The following ZSCAN1 variants were observed in gnomAD, a reference collection of about 807,000 sequenced individuals.
ZSCAN1 encodes the protein zinc finger and SCAN domain containing 1, also known as zinc finger and SCAN domain-containing protein 1.
ZSCAN1 carries 23 observed loss-of-function variants against 23.8 expected under a neutral mutation model. That is an observed-to-expected ratio of 0.97 (90% CI 0.70 to 1.37). ZSCAN1 has a LOEUF of 1.37. Among genes scored for constraint, ZSCAN1 ranks in the 40% most tolerant of loss-of-function variants. ZSCAN1 has a pLI of 0.00. For synonymous variants in ZSCAN1, 236 were observed against 232.3 expected (o/e 1.02, Z -0.15); for missense variants, 575 against 554.0 (o/e 1.04, Z -0.38).
chr19:58,046,624 CTCA>C, intron 4 of ZSCAN1: 1 of 847,668 alleles, frequency 1.2e-6, no homozygotes, highest in Non-Finnish European at 2.1e-6. Flanking sequence ...CGTCGACCAC[CTCA>C]TCAAGGTGAT....
intron 4 of ZSCAN1, chr19:58,046,401 G>A: frequency 1.1e-6 from 1 of 880,796 alleles, no homozygotes; most frequent in Non-Finnish European, 2.0e-6. Flanking sequence ...AAAGGGTGCA[G>A]CAGATAATCG....
At chr19:58,052,409 C>T (rs1423423688) in intron 4 of ZSCAN1, 81 bp from the exon 5 acceptor site, 9 of 1,601,874 alleles carry the variant, frequency 5.6e-6, no homozygotes, top group African/African-American at 4.0e-5. Context: ...GGATGACGCC[C>T]GTTCCTTGGT....
Position 58,053,104 on chromosome 19 carries a change from C to T in ZSCAN1, c.605-325C>T, listed in dbSNP as rs1376823046. Among the ~76,000 whole-genome samples, 3 of 152,024 alleles carry T rather than the reference C, an allele frequency of 2.0e-5. No individual in the cohort carries two copies. Among genetic ancestry groups the T allele is most frequent in the Non-Finnish European group, 2.9e-5 (2 of 67,998 alleles). On this transcript the variant is annotated intron_variant, in intron 5 of 5. Coordinates refer to ENST00000282326, the MANE Select transcript of ZSCAN1 (RefSeq NM_182572.4). The surrounding 1 kb of genome is among the most constrained non-coding windows in gnomAD (Gnocchi z 5.8). ...CCTCCTGAGTAGCTGGGATTACAGG[C>T]GCACACCACCACGCCCAGCTAATTT...
intron 4 of ZSCAN1, chr19:58,046,686 C>T (rs770235229): frequency 1.4e-5 from 12 of 869,794 alleles, no homozygotes; most frequent in South Asian, 5.3e-5. Flanking sequence ...GTCAGGTGGC[C>T]GAGATTGTAG....
intron 1 of ZSCAN1, among the ~76,000 whole-genome samples, chr19:58,035,106 A>G (rs1161255025): frequency 1.3e-5 from 2 of 151,956 alleles, no homozygotes; most frequent in African/African-American, 4.8e-5. Context: ...ACTCTCTCAC[A>G]CACACACATC....
At chr19:58,034,358 G>C (rs1454983792) in intron 1 of ZSCAN1, among the ~76,000 whole-genome samples, 197 bp downstream of exon 1, 2 of 150,542 alleles carry the variant, frequency 1.3e-5, no homozygotes, top group Non-Finnish European at 3.0e-5. Flanking sequence ...GAGTCCTGAG[G>C]TCGCCGTAGG....
At position 58,047,082 on chromosome 19, in the gene ZSCAN1, C is replaced by T. The variant is rs752755053; in HGVS notation, c.466-5408C>T. 1.6e-4 allele frequency among the ~76,000 whole-genome samples: 25 copies of T among 152,222 alleles called. No individual in the cohort carries two copies. Among genetic ancestry groups the T allele is most frequent in the Non-Finnish European group, 1.5e-5 (1 of 68,046 alleles). ...TGTGGCCTCACGTCTCAGTGTCTGA[C>T]TGTGCTGCCCTGTGCCCAGGGAGGA... On this transcript the variant is annotated intron_variant, in intron 4 of 5. Transcript: ENST00000282326. This position sits in a 1 kb window ranked among gnomAD's most constrained non-coding sequence, Gnocchi z 4.9.
In ZSCAN1 at chr19:58,037,753, CT is replaced by C. The variant is rs2073748321; in HGVS notation, c.-83del. 7.0e-7 allele frequency: 1 copy of C among 1,422,470 alleles called. No homozygotes were observed. Among genetic ancestry groups the C allele is most frequent in the Non-Finnish European group, 9.2e-7 (1 of 1,089,804 alleles). 88.1% of individuals were successfully genotyped at this position (1,422,470 alleles called of 1,614,324 possible). On this transcript the variant is annotated 5_prime_UTR_variant, in exon 3 of 6. Transcript: ENST00000282326. ...GCCCCTGATTGCTGATTCTGTCCGCCTGCCACACCGGCTCTGTCCGGAGCCA... is the reference window on the plus strand; with the variant it reads ...GCCCCTGATTGCTGATTCTGTCCGCCGCCACACCGGCTCTGTCCGGAGCCA...
chr19:58,038,241 C>T (rs2073755790), intron 3 of ZSCAN1, 35 bp downstream of exon 3: 2 of 1,573,912 alleles, frequency 1.3e-6, no homozygotes, highest in Non-Finnish European at 1.7e-6. Context: ...CGGGCCGGGC[C>T]AGGGGGCCTG....
chr19:58,052,405 C>T (rs370065230), intron 4 of ZSCAN1, 85 bp from the exon 5 acceptor site: 43 of 1,598,776 alleles, frequency 2.7e-5, no homozygotes, highest in Middle Eastern at 2.1e-4. Context: ...TTGGGGATGA[C>T]GCCCGTTCCT....
In ZSCAN1 at chr19:58,040,649, C is replaced by A; in HGVS notation, c.465+105C>A. ...CATCCAAGGACTGTGTGAGGTTGTC[C>A]CCAGCGCTCCCAGGAAGCCCGGCCT... On this transcript the variant is annotated intron_variant, in intron 4 of 5. Transcript: ENST00000282326. This position sits in a 1 kb window ranked among gnomAD's most constrained non-coding sequence, Gnocchi z 5.8. The A allele has an allele frequency of 9.0e-7, 1 of 1,111,018 alleles. No homozygotes were observed. Among genetic ancestry groups the A allele is most frequent in the Non-Finnish European group, 1.3e-6 (1 of 761,026 alleles). 68.8% of individuals were successfully genotyped at this position (1,111,018 alleles called of 1,614,324 possible).
chr19:58,035,797 AT>A (rs2073730722), intron 1 of ZSCAN1, among the ~76,000 whole-genome samples, 172 bp from the exon 2 acceptor site: 1 of 152,158 alleles, frequency 6.6e-6, no homozygotes, highest in South Asian at 2.1e-4. Context: ...TTTCTCCTGG[AT>A]TGTAAAACCA....
At chr19:58,046,173 G>A (rs1361723642) in intron 4 of ZSCAN1, 2 of 741,420 alleles carry the variant, frequency 2.7e-6, no homozygotes, top group Non-Finnish European at 5.0e-6. Context: ...GCTTGAAGGA[G>A]GAAGAGATGA....
chr19:58,046,490 T>C (rs990966975), intron 4 of ZSCAN1: 16 of 881,866 alleles, frequency 1.8e-5, no homozygotes, highest in Non-Finnish European at 2.0e-6. Flanking sequence ...GGCGTGCCCA[T>C]GGGGGAGAAC....
chr19:58,037,547 G>T (rs1248490993), intron 2 of ZSCAN1, among the ~76,000 whole-genome samples, 181 bp from the exon 3 acceptor site: 2 of 152,132 alleles, frequency 1.3e-5, no homozygotes, highest in Non-Finnish European at 2.9e-5. Context: ...CCAGTGGCTT[G>T]AACTCAGTGC....
Position 58,040,025 on chromosome 19 carries a change from C to T in ZSCAN1, c.371-425C>T, listed in dbSNP as rs936084265. 2.0e-5 allele frequency among the ~76,000 whole-genome samples: 3 copies of T among 152,186 alleles called. No homozygotes were observed. The highest frequency in any genetic ancestry group is 4.8e-5 in the African/African-American group (2 of 41,434). ...CTGGGATTACTGGTGTGAGCCACCA[C>T]GCCTGGCCTGGTTCCCACGTCTTGA... On this transcript the variant is annotated intron_variant, in intron 3 of 5. Coordinates refer to ENST00000282326, the MANE Select transcript of ZSCAN1 (RefSeq NM_182572.4). This position sits in a 1 kb window ranked among gnomAD's most constrained non-coding sequence, Gnocchi z 5.8.
At chr19:58,050,998 G>A (rs1464784275) in intron 4 of ZSCAN1, among the ~76,000 whole-genome samples, 1 of 152,178 alleles carries the variant, frequency 6.6e-6, no homozygotes, top group African/African-American at 2.4e-5. Flanking sequence ...CCGGGGCTAT[G>A]GGGATGTGTT....
At chr19:58,042,850 T>C (rs2073799692) in intron 4 of ZSCAN1, among the ~76,000 whole-genome samples, 5 of 152,150 alleles carry the variant, frequency 3.3e-5, no homozygotes, top group Admixed American at 3.3e-4. Context: ...CCCACCCCTC[T>C]CCCACCAGGG....
In ZSCAN1 at chr19:58,053,773, G is replaced by A; in HGVS notation, c.949G>A (p.Glu317Lys). ...CGAGCACCAGAAGACCCATCGCGAG[G>A]AAGGGCCCTTTCCGTGCCCCGAGTG... Reference protein sequence around the residue: ...FIEHQKTHREEGPFPCPECGK... With the variant: ...FIEHQKTHREKGPFPCPECGK... Residue 317 changes from glutamate (E) to lysine (K), a missense_variant, in exon 6 of 6, where the codon GAA (glutamate) becomes AAA (lysine). By Grantham distance (56) the Glu-to-Lys change is moderately conservative. Coordinates refer to ENST00000282326, the MANE Select transcript of ZSCAN1 (RefSeq NM_182572.4). The surrounding 1 kb of genome is among the most constrained non-coding windows in gnomAD (Gnocchi z 5.8). The A allele has an allele frequency of 1.9e-6, 3 of 1,614,138 alleles. No homozygotes were observed. The highest frequency in any genetic ancestry group is 3.3e-4 in the Middle Eastern group (2 of 6,062).
Sources: allele counts gnomAD v4.1 joint callset (sites outside exome capture counted in the v4.1 genomes callset), GRCh38; gene constraint gnomAD v4.1.1; non-coding constraint Gnocchi (gnomAD v3.1); transcripts MANE v1.5; gene names NCBI Gene and HGNC (gene_info 2026-07-23, HGNC 2026-07-21).